RAB19: variants seen among roughly 807,000 people sequenced by gnomAD.
The protein encoded by RAB19 is ras-related protein Rab-19.
Under a neutral mutation model 17.3 loss-of-function variants are expected in RAB19, and 21 were observed. The ratio of observed to expected loss-of-function variants is 1.21; its 90% CI spans 0.86 to 1.74. RAB19 has a LOEUF of 1.74. RAB19 is among the 40% of genes most tolerant of loss of function. The probability of loss-of-function intolerance (pLI) is 0.00; values close to 1 mark genes in which losing one functional copy is unlikely to be tolerated. For synonymous variants in RAB19, 126 were observed against 110.4 expected (o/e 1.14, Z -0.88); for missense variants, 277 against 286.8 (o/e 0.97, Z 0.25).
intron 3 of RAB19, among the ~76,000 whole-genome samples, chr7:140,423,865 T>C (rs972689217): frequency 1.1e-4 from 16 of 152,226 alleles, no homozygotes; most frequent in African/African-American, 3.9e-4. Context: ...TTTTTCCTTT[T>C]TTTTTAAGAC....
At chr7:140,408,395 A>G (rs1799289757) in intron 2 of RAB19, among the ~76,000 whole-genome samples, 1 of 152,070 alleles carries the variant, frequency 6.6e-6, no homozygotes, top group South Asian at 2.1e-4. Context: ...TGTGAAGGTC[A>G]AATTTATACA....
At chr7:140,411,827 A>C in intron 2 of RAB19, 47 bp from the exon 3 acceptor site, 1 of 1,614,046 alleles carries the variant, frequency 6.2e-7, no homozygotes, top group Non-Finnish European at 8.5e-7. Context: ...AGTTCCCATT[A>C]CCTGTGGGAA....
chr7:140,422,663 A>C (rs1445495670), intron 3 of RAB19, among the ~76,000 whole-genome samples: 1 of 150,292 alleles, frequency 6.7e-6, no homozygotes, highest in East Asian at 2.0e-4. Flanking sequence ...CAAATAAAAA[A>C]AAATTAGCCA....
intron 3 of RAB19, among the ~76,000 whole-genome samples, chr7:140,424,682 T>TACAC (rs1554442825): frequency 2.0e-4 from 18 of 92,038 alleles, no homozygotes; most frequent in African/African-American, 8.0e-4. Flanking sequence ...TATATATATA[T>TACAC]ACACATATCT....
chr7:140,418,396 C>CAAAA (rs140238398), intron 3 of RAB19, among the ~76,000 whole-genome samples: 1 of 70,372 alleles, frequency 1.4e-5, no homozygotes, highest in Non-Finnish European at 2.7e-5. Context: ...TGCTAAAATA[C>CAAAA]AAAAAAAAAA....
chr7:140,411,152 C>T, intron 2 of RAB19: 2 of 1,354,024 alleles, frequency 1.5e-6, no homozygotes, highest in Non-Finnish European at 2.0e-6. Context: ...GTAATCTCAG[C>T]ACTTTGGGAG....
chr7:140,418,574 T>G (rs1799503562), intron 3 of RAB19, among the ~76,000 whole-genome samples: 1 of 147,260 alleles, frequency 6.8e-6, no homozygotes. Flanking sequence ...AGACTCTGTC[T>G]CTTAAAAAAA....
intron 3 of RAB19, among the ~76,000 whole-genome samples, chr7:140,422,045 C>T (rs1799571269): frequency 6.6e-6 from 1 of 151,974 alleles, no homozygotes; most frequent in Admixed American, 6.6e-5. Context: ...GGTATGGGTC[C>T]AAAATTTTTC....
intron 3 of RAB19, 115 bp downstream of exon 3, chr7:140,412,172 C>G (rs967220794): frequency 8.8e-7 from 1 of 1,131,890 alleles, no homozygotes; most frequent in Non-Finnish European, 1.3e-6. Flanking sequence ...AGTGATGCAG[C>G]CGGGCACAGT....
intron 3 of RAB19, among the ~76,000 whole-genome samples, chr7:140,424,377 G>A (rs1045056712): frequency 2.9e-5 from 4 of 139,322 alleles, no homozygotes; most frequent in Non-Finnish European, 4.7e-5. Flanking sequence ...GGCTGGTCTC[G>A]AACTCCTGAC....
chr7:140,415,403 T>C (rs1375847525), intron 3 of RAB19, among the ~76,000 whole-genome samples: 1 of 152,128 alleles, frequency 6.6e-6, no homozygotes, highest in African/African-American at 2.4e-5. Context: ...CATAACTTTC[T>C]TCAACATCTG....
chr7:140,408,702 C>T (rs1485679839), intron 2 of RAB19, among the ~76,000 whole-genome samples: 2 of 152,072 alleles, frequency 1.3e-5, no homozygotes, highest in African/African-American at 4.8e-5. Context: ...TCTCGAACTC[C>T]TGACCTCAAG....
intron 3 of RAB19, among the ~76,000 whole-genome samples, chr7:140,413,766 A>G (rs535150537): frequency 1.6e-4 from 24 of 152,194 alleles, no homozygotes; most frequent in African/African-American, 5.5e-4. Flanking sequence ...AAGATGGGAG[A>G]GCTGTGCCAT....
rs558153548 is a variant in RAB19 at position 140,426,041 on chromosome 7, G to A, written c.545G>A (p.Arg182His). The A allele has an allele frequency of 2.9e-5, 47 of 1,614,108 alleles. No homozygotes were observed. Among genetic ancestry groups the A allele is most frequent in the South Asian group, 1.2e-4 (11 of 91,084 alleles). ...FVLMAKELIARNSLHLYGESA... is the reference protein window; with the variant it reads ...FVLMAKELIAHNSLHLYGESA... Reference sequence around the variant, plus strand: ...CTCATGGCCAAGGAGCTGATCGCGCGCAACAGCCTGCACCTATATGGGGAG... The same window carrying A: ...CTCATGGCCAAGGAGCTGATCGCGCACAACAGCCTGCACCTATATGGGGAG... Residue 182 changes from arginine (R) to histidine (H), a missense_variant, in exon 4 of 4, where the codon CGC becomes CAC. Arg to His is a conservative substitution (Grantham distance 29). Transcript: ENST00000537763.
At chr7:140,409,027 C>T (rs561147541) in intron 2 of RAB19, among the ~76,000 whole-genome samples, 11 of 152,232 alleles carry the variant, frequency 7.2e-5, no homozygotes, top group South Asian at 4.1e-4. Context: ...CCCAAAGTGC[C>T]GGGATTACAG....
intron 1 of RAB19, 29 bp from the exon 2 acceptor site, chr7:140,407,595 T>C: frequency 6.4e-7 from 1 of 1,563,432 alleles, no homozygotes. Context: ...CCCCAGTTCC[T>C]GGTGCTGAAT....
chr7:140,411,778 A>T (rs1472894320), intron 2 of RAB19, 96 bp from the exon 3 acceptor site: 1 of 1,605,396 alleles, frequency 6.2e-7, no homozygotes, highest in Non-Finnish European at 8.5e-7. Context: ...TAGAAGTGAG[A>T]CCCAGAAAAC....
At chr7:140,411,740 C>A in intron 2 of RAB19, 134 bp from the exon 3 acceptor site, 1 of 1,546,806 alleles carries the variant, frequency 6.5e-7, no homozygotes, top group Non-Finnish European at 8.7e-7. Context: ...CCCTGGGTCC[C>A]ACCCCAGATC....
chr7:140,412,523 G>T (rs1395896630), intron 3 of RAB19, among the ~76,000 whole-genome samples: 1 of 149,730 alleles, frequency 6.7e-6, no homozygotes, highest in Non-Finnish European at 1.5e-5. Context: ...ACCATGCCCA[G>T]CCCATTTTTT....
Sources: allele counts gnomAD v4.1 joint callset (sites outside exome capture counted in the v4.1 genomes callset), GRCh38; gene constraint gnomAD v4.1.1; transcripts MANE v1.5; gene names NCBI Gene and HGNC (gene_info 2026-07-23, HGNC 2026-07-21).